CSMD1: variants seen among roughly 807,000 people sequenced by gnomAD.
CSMD1 encodes the protein CUB and Sushi multiple domains 1, also known as CUB and sushi domain-containing protein 1.
A neutral mutation model predicts 417.5 loss-of-function variants in CSMD1; 213 were observed. That is an observed-to-expected ratio of 0.51 (90% CI 0.46 to 0.57). The LOEUF is 0.57. Among genes scored for constraint, CSMD1 ranks in the 20% least tolerant of loss-of-function variants. The pLI is 0.00. For synonymous variants in CSMD1, 2,862 were observed against 1,736.8 expected, an observed-to-expected ratio of 1.65 and a Z score of -16.11; for missense variants, 6,923 against 4,529.7, an observed-to-expected ratio of 1.53 and a Z score of -15.17.
chr8:3,450,578 C>G (rs1332199014), intron 12 of CSMD1, among the ~76,000 whole-genome samples: 1 of 144,902 alleles, frequency 6.9e-6, no homozygotes, highest in African/African-American at 2.6e-5. Flanking sequence ...TTTTTTTTGT[C>G]TTTGTGATAG....
At chr8:3,904,509 C>T (rs1425666253) in intron 5 of CSMD1, among the ~76,000 whole-genome samples, 1 of 152,164 alleles carries the variant, frequency 6.6e-6, no homozygotes, top group Admixed American at 6.6e-5. Context: ...TGGTATTCCA[C>T]ATTTCTAAGA....
intron 7 of CSMD1, among the ~76,000 whole-genome samples, chr8:3,671,557 GATCATATATATATATA>G (rs1799058180): frequency 1.9e-4 from 1 of 5,390 alleles, no homozygotes; most frequent in African/African-American, 5.1e-4. Flanking sequence ...TCATATATAT[GATCATATATATATATA>G]TATATATATA....
At chr8:4,891,755 C>T (rs1039091816) in intron 1 of CSMD1, among the ~76,000 whole-genome samples, 8 of 152,100 alleles carry the variant, frequency 5.3e-5, no homozygotes, top group Non-Finnish European at 8.8e-5. Context: ...TTTCCCAAAA[C>T]TCCCTAGTTA....
chr8:3,019,981 T>C (rs12678043), intron 51 of CSMD1, among the ~76,000 whole-genome samples: 37,004 of 152,228 alleles, frequency 0.24, 5,502 homozygotes, highest in East Asian at 0.61. Context: ...TGCAGGGTGC[T>C]TCGCTGCAGC....
chr8:4,609,927 G>A (rs915641596), intron 2 of CSMD1, among the ~76,000 whole-genome samples: 3 of 151,986 alleles, frequency 2.0e-5, no homozygotes, highest in Admixed American at 1.3e-4. Context: ...GAAATTATCA[G>A]GTAAGTATTC....
chr8:4,215,895 A>T (rs751912558), intron 3 of CSMD1, among the ~76,000 whole-genome samples: 4 of 152,344 alleles, frequency 2.6e-5, no homozygotes, highest in Middle Eastern at 3.4e-3. Flanking sequence ...GGGACAAAAA[A>T]ATTAAACAAG....
intron 3 of CSMD1, among the ~76,000 whole-genome samples, chr8:4,379,562 G>A (rs1297385784): frequency 6.6e-6 from 1 of 152,190 alleles, no homozygotes; most frequent in Non-Finnish European, 1.5e-5. Context: ...TTGCAATTTT[G>A]TGGTGTCTAA....
intron 25 of CSMD1, among the ~76,000 whole-genome samples, chr8:3,290,828 G>A (rs1182840599): frequency 6.7e-6 from 1 of 149,976 alleles, no homozygotes; most frequent in African/African-American, 2.5e-5. Flanking sequence ...TCTTTCTCGT[G>A]CCTAATTGCC....
intron 1 of CSMD1, among the ~76,000 whole-genome samples, chr8:4,672,598 A>T (rs1179697675): frequency 6.6e-6 from 1 of 152,206 alleles, no homozygotes; most frequent in Non-Finnish European, 1.5e-5. Context: ...CTGTAAATAA[A>T]ATGTGCTACG....
intron 8 of CSMD1, among the ~76,000 whole-genome samples, chr8:3,612,099 T>G (rs562465515): frequency 1.3e-5 from 2 of 152,086 alleles, no homozygotes; most frequent in African/African-American, 4.8e-5. Flanking sequence ...TATAGAAACA[T>G]ATATAACAAT....
intron 6 of CSMD1, among the ~76,000 whole-genome samples, chr8:3,736,240 T>C (rs1362244240): frequency 6.6e-6 from 1 of 151,158 alleles, no homozygotes; most frequent in Non-Finnish European, 1.5e-5. Context: ...TGTATTTTTT[T>C]GTTTTGTTTT....
At chr8:4,187,507 G>A (rs1313910537) in intron 3 of CSMD1, among the ~76,000 whole-genome samples, 1 of 152,010 alleles carries the variant, frequency 6.6e-6, no homozygotes, top group Non-Finnish European at 1.5e-5. Flanking sequence ...CAGCCTGGGT[G>A]GTGGCACATG....
intron 3 of CSMD1, among the ~76,000 whole-genome samples, chr8:4,106,862 G>T (rs1198726792): frequency 6.6e-6 from 1 of 152,014 alleles, no homozygotes; most frequent in Non-Finnish European, 1.5e-5. Context: ...AAACTGCCCC[G>T]CATTTCTTCA....
intron 5 of CSMD1, among the ~76,000 whole-genome samples, chr8:3,910,282 C>T (rs1023806881): frequency 1.3e-5 from 2 of 152,130 alleles, no homozygotes; most frequent in African/African-American, 4.8e-5. Flanking sequence ...TCAGCTCTCT[C>T]ACCACGTTTG....
chr8:3,808,066 C>G (rs1236217345), intron 5 of CSMD1, among the ~76,000 whole-genome samples: 1 of 152,118 alleles, frequency 6.6e-6, no homozygotes, highest in Non-Finnish European at 1.5e-5. Context: ...ACAGCAGTGG[C>G]TGAAGAAAAT....
At chr8:4,046,145 T>C (rs1012906860) in intron 3 of CSMD1, among the ~76,000 whole-genome samples, 3 of 152,150 alleles carry the variant, frequency 2.0e-5, no homozygotes, top group African/African-American at 7.2e-5. Flanking sequence ...ATGTATTATG[T>C]ATCATAAATT....
chr8:3,608,038 G>C (rs1299329445), intron 8 of CSMD1, among the ~76,000 whole-genome samples: 1 of 152,160 alleles, frequency 6.6e-6, no homozygotes, highest in East Asian at 1.9e-4. Context: ...CAGCCGTGGT[G>C]GTATGTGCCT....
At chr8:4,430,214 C>A (rs1398820376) in intron 2 of CSMD1, among the ~76,000 whole-genome samples, 6 of 152,152 alleles carry the variant, frequency 3.9e-5, no homozygotes, top group African/African-American at 9.6e-5. Flanking sequence ...GGAGTTAGGC[C>A]CCAGCTTTCT....
At chr8:4,545,329 C>G (rs1363839429) in intron 2 of CSMD1, among the ~76,000 whole-genome samples, 2 of 152,134 alleles carry the variant, frequency 1.3e-5, no homozygotes, top group Non-Finnish European at 2.9e-5. Flanking sequence ...CAGAAAAGCC[C>G]TTCATAAATA....
Sources: gnomAD v4.1 joint callset for allele counts (sites outside exome capture counted in the v4.1 genomes callset) on GRCh38, gnomAD v4.1.1 for gene constraint, MANE v1.5 for transcripts, NCBI Gene and HGNC (gene_info 2026-07-23, HGNC 2026-07-21) for gene names.